Variants in OTUD7A observed in about 807,000 individuals in gnomAD.
OTUD7A encodes the protein OTU domain-containing protein 7A.
In OTUD7A, 12 loss-of-function variants were observed where a neutral mutation model predicts 65.7. The ratio of observed to expected loss-of-function variants is 0.18; its 90% CI spans 0.12 to 0.30. The LOEUF (loss-of-function observed/expected upper bound fraction) is 0.30, where lower values mean the gene tolerates loss of function less well. Among genes scored for constraint, OTUD7A ranks in the 10% least tolerant of loss-of-function variants. The probability of loss-of-function intolerance (pLI) is 1.00; values close to 1 mark genes in which losing one functional copy is unlikely to be tolerated. For synonymous variants in OTUD7A, 641 were observed against 586.3 expected, an observed-to-expected ratio of 1.09 and a Z score of -1.35; for missense variants, 1,148 against 1,304.8, an observed-to-expected ratio of 0.88 and a Z score of 1.85.
intron 1 of OTUD7A, among the ~76,000 whole-genome samples, chr15:31,814,527 C>CT (rs397853761): frequency 0.041 from 5,934 of 144,660 alleles, 189 homozygotes; most frequent in African/African-American, 0.088. Context: ...TGCGTAAGTT[C>CT]TTTTTTTTTT....
chr15:31,495,286 A>T (rs1304820959), intron 10 of OTUD7A, among the ~76,000 whole-genome samples: 1 of 152,174 alleles, frequency 6.6e-6, no homozygotes, highest in Non-Finnish European at 1.5e-5. Context: ...CAATCAGCAG[A>T]TGTATTGTGG....
chr15:31,685,002 C>G lies in OTUD7A; in HGVS notation c.-99-27925G>C, dbSNP rs577778155. On this transcript the variant is annotated intron_variant, in intron 1 of 12. Coordinates refer to ENST00000307050, the MANE Select transcript of OTUD7A (RefSeq NM_001382637.1). Reference sequence around the variant, plus strand: ...TGCTACGTGATCACTCACAACTTGTCAATCACCATATTTTAGCTGATTGTT... The same window carrying G: ...TGCTACGTGATCACTCACAACTTGTGAATCACCATATTTTAGCTGATTGTT... Among the ~76,000 whole-genome samples, 687 of 151,510 alleles carry G rather than the reference C, an allele frequency of 4.5e-3. 3 individuals are homozygous for G. The highest frequency in any genetic ancestry group is 0.016 in the African/African-American group (661 of 41,320).
At chr15:31,569,869 G>T in intron 4 of OTUD7A, 149 bp downstream of exon 4, 1 of 778,384 alleles carries the variant, frequency 1.3e-6, no homozygotes, top group Non-Finnish European at 2.0e-6. Flanking sequence ...GGACATTTCG[G>T]CATAGTGTGA....
At position 31,482,071 on chromosome 15, in the gene OTUD7A, G is replaced by A. The variant is rs1371995857; in HGVS notation, c.*1223C>T. The A allele has an allele frequency of 1.3e-5, 2 of 152,228 alleles. No individual in the cohort carries two copies. Among genetic ancestry groups the A allele is most frequent in the Non-Finnish European group, 2.9e-5 (2 of 68,050 alleles). 9.4% of individuals were successfully genotyped at this position (152,228 alleles called of 1,614,324 possible). On this transcript the variant is annotated 3_prime_UTR_variant, in exon 13 of 13. Transcript: ENST00000307050. ...TCCGGAGGTAATCTTGGAAGGAAGA[G>A]GCTGCATATTGCTGCTCAAAACAGG...
chr15:31,663,438 C>A, intron 1 of OTUD7A, among the ~76,000 whole-genome samples: 1 of 142,990 alleles, frequency 7.0e-6, no homozygotes, highest in African/African-American at 2.6e-5. Flanking sequence ...TCACCATCCC[C>A]CCCACCCCCC....
At chr15:31,491,519 A>G (rs2141070088) in intron 10 of OTUD7A, among the ~76,000 whole-genome samples, 1 of 152,354 alleles carries the variant, frequency 6.6e-6, no homozygotes, top group South Asian at 2.1e-4. Flanking sequence ...GCTGTGTGAC[A>G]ATATCAGCAC....
intron 5 of OTUD7A, among the ~76,000 whole-genome samples, chr15:31,546,182 C>A (rs143956501): frequency 6.6e-6 from 1 of 152,234 alleles, no homozygotes; most frequent in East Asian, 1.9e-4. Context: ...GAACAAATTC[C>A]CTATGGATAC....
intron 1 of OTUD7A, among the ~76,000 whole-genome samples, chr15:31,732,203 A>G (rs530509685): frequency 1.3e-4 from 20 of 152,360 alleles, no homozygotes; most frequent in African/African-American, 4.3e-4. Context: ...ACCTGGAGTC[A>G]GTGGAACTCA....
intron 3 of OTUD7A, among the ~76,000 whole-genome samples, chr15:31,621,331 T>C (rs1168208268): frequency 1.3e-5 from 2 of 152,304 alleles, no homozygotes; most frequent in Non-Finnish European, 2.9e-5. Flanking sequence ...TAGTTAACTT[T>C]CTGTTTCGTT....
rs939645954 is a variant in OTUD7A, at chr15:31,479,641, A to G, written c.*3653T>C. On this transcript the variant is annotated 3_prime_UTR_variant, in exon 13 of 13. Transcript: ENST00000307050. ...TTTGCAAAGTAGAATAGTTCGCAAAATAAGTTTGTGGACACTAAGTGGGGG... is the reference window on the plus strand; with the variant it reads ...TTTGCAAAGTAGAATAGTTCGCAAAGTAAGTTTGTGGACACTAAGTGGGGG... 2 of 135,000 alleles carry G rather than the reference A, an allele frequency of 1.5e-5. No individual in the cohort carries two copies. Among genetic ancestry groups the G allele is most frequent in the Non-Finnish European group, 3.1e-5 (2 of 64,264 alleles). The allele number at this position is 135,000 out of a possible 1,614,324, so 8.4% of individuals were successfully genotyped here.
Position 31,483,303 on chromosome 15 carries a change from G to C in OTUD7A, c.2793C>G (p.Ala931=). Reference sequence around the variant, plus strand: ...CGCCGCGCCGCGCCGCTCAGGGCCGGGCCCCGCGCGCCTCGCGCCGCCGCC... The same window carrying C: ...CGCCGCGCCGCGCCGCTCAGGGCCGCGCCCCGCGCGCCTCGCGCCGCCGCC... The part of the protein sequence containing the change: ...ELRRRREARG[A]RP The change falls in exon 13 of 13, where the codon GCC becomes GCG. Residue 931 remains alanine, a synonymous_variant. Coordinates refer to ENST00000307050, the MANE Select transcript of OTUD7A (RefSeq NM_001382637.1). The C allele has an allele frequency of 8.5e-7, 1 of 1,179,528 alleles. No individual in the cohort carries two copies. Among genetic ancestry groups the C allele is most frequent in the South Asian group, 2.9e-5 (1 of 34,738 alleles). 73.1% of individuals were successfully genotyped at this position (1,179,528 alleles called of 1,614,324 possible). A position where few individuals can be genotyped will look rare whatever the true frequency, so the allele number is the denominator to read the frequency against.
chr15:31,838,337 G>A (rs1336116176), intron 1 of OTUD7A, among the ~76,000 whole-genome samples: 1 of 152,106 alleles, frequency 6.6e-6, no homozygotes, highest in Non-Finnish European at 1.5e-5. Flanking sequence ...ATTTAGCAGA[G>A]GCTAAAGGTT....
At chr15:31,670,442 G>T (rs1215504825) in intron 1 of OTUD7A, among the ~76,000 whole-genome samples, 1 of 152,110 alleles carries the variant, frequency 6.6e-6, no homozygotes, top group Admixed American at 6.5e-5. Flanking sequence ...ACCAGCATCT[G>T]TTGCTTCTTG....
intron 3 of OTUD7A, among the ~76,000 whole-genome samples, chr15:31,616,343 A>G (rs1890585247): frequency 6.6e-6 from 1 of 152,200 alleles, no homozygotes; most frequent in Non-Finnish European, 1.5e-5. Flanking sequence ...CTTGACAGAA[A>G]TCAATAACAG....
At chr15:31,693,081 G>C (rs1291635418) in intron 1 of OTUD7A, among the ~76,000 whole-genome samples, 1 of 152,168 alleles carries the variant, frequency 6.6e-6, no homozygotes, top group Non-Finnish European at 1.5e-5. Context: ...GTGCAGGAGA[G>C]ATGCTCAGGC....
chr15:31,771,261 C>T (rs771234730), intron 1 of OTUD7A, among the ~76,000 whole-genome samples: 12 of 152,182 alleles, frequency 7.9e-5, no homozygotes, highest in Non-Finnish European at 1.5e-4. Flanking sequence ...TGTTCTGTTT[C>T]TTGGTCTGGG....
At chr15:31,510,536 C>CATAT (rs531396819) in intron 8 of OTUD7A, among the ~76,000 whole-genome samples, 796 of 65,096 alleles carry the variant, frequency 0.012, 74 homozygotes, top group African/African-American at 0.045. Flanking sequence ...ATGTAACATA[C>CATAT]ATATGTATAT....
Position 31,502,713 on chromosome 15 carries a change from G to A in OTUD7A, c.1022-874C>T, listed in dbSNP as rs969605996. On this transcript the variant is annotated intron_variant, in intron 9 of 12. Transcript: ENST00000307050. ...CTGCCCCGCAACTCAGAGATCTGAT[G>A]GTGCTGGGAGCTCAGTCCTGGGCTT... 5.3e-5 allele frequency among the ~76,000 whole-genome samples: 8 copies of A among 152,320 alleles called. No individual in the cohort carries two copies. In the East Asian group the frequency reaches 1.2e-3, roughly 22 times the overall value.
At chr15:31,609,010 T>C (rs1354003823) in intron 3 of OTUD7A, among the ~76,000 whole-genome samples, 1 of 152,088 alleles carries the variant, frequency 6.6e-6, no homozygotes, top group Non-Finnish European at 1.5e-5. Context: ...GTGGGAGAAG[T>C]TTCTGACCTT....
Sources: gnomAD v4.1 joint callset for allele counts (sites outside exome capture counted in the v4.1 genomes callset) on GRCh38, gnomAD v4.1.1 for gene constraint, MANE v1.5 for transcripts, NCBI Gene and HGNC (gene_info 2026-07-23, HGNC 2026-07-21) for gene names.